Variants in TNRC6B observed in about 807,000 individuals in gnomAD.
The protein encoded by TNRC6B is trinucleotide repeat containing adaptor 6B.
TNRC6B carries 52 observed loss-of-function variants against 203.6 expected under a neutral mutation model. The ratio of observed to expected loss-of-function variants is 0.26; its 90% CI spans 0.20 to 0.32. The LOEUF (loss-of-function observed/expected upper bound fraction) is 0.32, where lower values mean the gene tolerates loss of function less well. Ranked by LOEUF, TNRC6B falls within the 10% of genes least tolerant of loss-of-function variation. The pLI is 1.00. For missense variants in TNRC6B, 1,923 were observed against 2,286.2 expected (o/e 0.84, Z 3.24); for synonymous variants, 838 against 845.7 (o/e 0.99, Z 0.16).
chr22:40,268,125 T>G (rs776336621), intron 5 of TNRC6B, among the ~76,000 whole-genome samples: 1 of 152,206 alleles, frequency 6.6e-6, no homozygotes, highest in African/African-American at 2.4e-5. Context: ...TCTCACTCTG[T>G]TGCCCAGGCT....
intron 3 of TNRC6B, among the ~76,000 whole-genome samples, chr22:40,136,034 G>A (rs940762206): frequency 3.9e-5 from 6 of 152,160 alleles, no homozygotes; most frequent in African/African-American, 1.4e-4. Flanking sequence ...CGTAGGTGAG[G>A]AAGTAGATCC....
intron 12 of TNRC6B, among the ~76,000 whole-genome samples, chr22:40,291,106 C>T (rs916649093): frequency 1.3e-5 from 2 of 152,116 alleles, no homozygotes; most frequent in African/African-American, 4.8e-5. Context: ...AAAGAAAAGG[C>T]CAGGCACGGT....
chr22:40,070,582 T>C (rs2067938424), intron 1 of TNRC6B, among the ~76,000 whole-genome samples: 1 of 152,198 alleles, frequency 6.6e-6, no homozygotes, highest in Admixed American at 6.5e-5. Context: ...AATACAGTTA[T>C]ATCTTTATAG....
At chr22:40,216,760 A>T (rs2069640900) in intron 1 of TNRC6B, among the ~76,000 whole-genome samples, 2 of 152,206 alleles carry the variant, frequency 1.3e-5, no homozygotes, top group Non-Finnish European at 2.9e-5. Context: ...CTACTTATTA[A>T]ACTGGAAATA....
At chr22:40,281,719 G>C (rs1217364941) in intron 11 of TNRC6B, among the ~76,000 whole-genome samples, 3 of 152,008 alleles carry the variant, frequency 2.0e-5, no homozygotes, top group Non-Finnish European at 4.4e-5. Flanking sequence ...AGTATTTGTG[G>C]GTTATGGCAT....
intron 4 of TNRC6B, among the ~76,000 whole-genome samples, chr22:40,165,713 C>T (rs934741109): frequency 2.6e-5 from 4 of 152,136 alleles, no homozygotes; most frequent in African/African-American, 7.2e-5. Flanking sequence ...GCAAACATGT[C>T]CTTCTTCACT....
At position 40,131,225 on chromosome 22, in the gene TNRC6B, AG is replaced by A. The variant is rs1458846860; in HGVS notation, c.45+5364del. Among the ~76,000 whole-genome samples the A allele has an allele frequency of 2.0e-5, 3 of 152,200 alleles. No individual in the cohort carries two copies. In the South Asian group the frequency reaches 6.2e-4, roughly 32 times the overall value. ...TGAGCCACTGTGCCCAGCGCGGTAT[AG>A]AAGTCTTATTGGAGGAAGTGAATTT... On this transcript the variant is annotated intron_variant, in intron 3 of 23. Transcript: ENST00000301923.
At chr22:40,209,369 G>A (rs2069528367) in intron 1 of TNRC6B, among the ~76,000 whole-genome samples, 1 of 152,132 alleles carries the variant, frequency 6.6e-6, no homozygotes, top group Admixed American at 6.5e-5. Context: ...CATCTGGTTG[G>A]TTAGCAGTTG....
rs1398254713 is a variant in TNRC6B at position 40,325,992 on chromosome 22, C to T, written c.*2751C>T. On this transcript the variant is annotated 3_prime_UTR_variant, in exon 23 of 23. Coordinates refer to ENST00000454349, the MANE Select transcript of TNRC6B (RefSeq NM_001162501.2). Reference sequence around the variant, plus strand: ...AACATGAGAAGCTAAAATGTTCTTCCATCATAAGCTTAAAGGGAAAAAAAC... The same window carrying T: ...AACATGAGAAGCTAAAATGTTCTTCTATCATAAGCTTAAAGGGAAAAAAAC... 6.6e-6 allele frequency: 1 copy of T among 151,386 alleles called. No homozygotes were observed. The highest frequency in any genetic ancestry group is 2.4e-5 in the African/African-American group (1 of 40,946). The allele number at this position is 151,386 out of a possible 1,614,324, so 9.4% of individuals were successfully genotyped here. A position where few individuals can be genotyped will look rare whatever the true frequency, so the allele number is the denominator to read the frequency against.
At chr22:40,267,332 A>T (rs1379451967) in intron 5 of TNRC6B, among the ~76,000 whole-genome samples, 1 of 152,218 alleles carries the variant, frequency 6.6e-6, no homozygotes, top group African/African-American at 2.4e-5. Flanking sequence ...CTTGCCAAAC[A>T]AACTATGTTC....
At chr22:40,225,868 A>G (rs934814084) in intron 1 of TNRC6B, among the ~76,000 whole-genome samples, 2 of 152,156 alleles carry the variant, frequency 1.3e-5, no homozygotes, top group African/African-American at 4.8e-5. Context: ...TTACCTAAGT[A>G]GAAATTAGGT....
At chr22:40,238,697 A>T (rs1209591812) in intron 1 of TNRC6B, among the ~76,000 whole-genome samples, 1 of 152,026 alleles carries the variant, frequency 6.6e-6, no homozygotes, top group Non-Finnish European at 1.5e-5. Context: ...TCTAACTATT[A>T]TATGGAAGGT....
intron 3 of TNRC6B, among the ~76,000 whole-genome samples, chr22:40,252,227 C>T (rs1442609502): frequency 6.6e-6 from 1 of 152,190 alleles, no homozygotes; most frequent in Non-Finnish European, 1.5e-5. Context: ...TGCATAAAAT[C>T]GTCAAAATAT....
intron 1 of TNRC6B, among the ~76,000 whole-genome samples, chr22:40,215,043 T>TA (rs1383227997): frequency 6.6e-6 from 1 of 152,222 alleles, no homozygotes; most frequent in Non-Finnish European, 1.5e-5. Flanking sequence ...GACACCTTAC[T>TA]AAAGAATACT....
intron 2 of TNRC6B, chr22:40,246,448 G>C (rs5757892): frequency 5.9e-6 from 1 of 169,408 alleles, no homozygotes; most frequent in Non-Finnish European, 1.3e-5. Context: ...TGGCCCCCCA[G>C]AGTGCTGAGA....
chr22:40,257,276 T>C (rs1213553057), intron 3 of TNRC6B, among the ~76,000 whole-genome samples: 1 of 152,198 alleles, frequency 6.6e-6, no homozygotes, highest in Non-Finnish European at 1.5e-5. Context: ...AGAGCACTTT[T>C]ATCTGAAAAA....
rs563162872 is a variant in TNRC6B, at chr22:40,254,200, C to T, written c.115+3000C>T. Among the ~76,000 whole-genome samples the T allele has an allele frequency of 2.0e-5, 3 of 152,240 alleles. No homozygotes were observed. The East Asian group carries it at 5.8e-4, about 29-fold the overall frequency. On this transcript the variant is annotated intron_variant, in intron 3 of 22. Transcript: ENST00000454349. ...CACTTAAGGTAGAAGCTAATATCCT[C>T]CTTCGTTGGATTTTAGAGTAGAACT...
intron 3 of TNRC6B, among the ~76,000 whole-genome samples, chr22:40,140,165 A>G (rs1229102022): frequency 6.6e-6 from 1 of 152,154 alleles, no homozygotes; most frequent in Admixed American, 6.6e-5. Context: ...CAATTATACA[A>G]CTATAGGATG....
chr22:40,285,586 T>G (rs1035293362), intron 11 of TNRC6B, 59 bp from the exon 12 acceptor site: 1 of 1,580,642 alleles, frequency 6.3e-7, no homozygotes, highest in African/African-American at 1.4e-5. Flanking sequence ...CCAGAACTGT[T>G]TCTTACTTGC....
Sources: gnomAD v4.1 joint callset for allele counts (sites outside exome capture counted in the v4.1 genomes callset) on GRCh38, gnomAD v4.1.1 for gene constraint, MANE v1.5 for transcripts, NCBI Gene and HGNC (gene_info 2026-07-23, HGNC 2026-07-21) for gene names.